TNPO3: variants seen among roughly 807,000 people sequenced by gnomAD.
The protein encoded by TNPO3 is transportin 3, also known as transportin-3.
In TNPO3, 65 loss-of-function variants were observed where a neutral mutation model predicts 122.8. That is an observed-to-expected ratio of 0.53 (90% confidence interval 0.43 to 0.65). The LOEUF is 0.65. Among genes scored for constraint, TNPO3 ranks in the 30% least tolerant of loss-of-function variants. The pLI, the probability that TNPO3 is intolerant of heterozygous loss-of-function variation, is 0.00. For synonymous variants in TNPO3, 372 were observed against 411.2 expected (o/e 0.90, Z 1.15); for missense variants, 850 against 1,136.7 (o/e 0.75, Z 3.63).
At chr7:128,958,191 T>C (rs1257607066) in intron 21 of TNPO3, among the ~76,000 whole-genome samples, 1 of 131,302 alleles carries the variant, frequency 7.6e-6, no homozygotes, top group Non-Finnish European at 1.6e-5. Flanking sequence ...TCATCCAGGC[T>C]GGAGTGCAAT....
chr7:128,991,960 T>C, intron 10 of TNPO3, 39 bp downstream of exon 10: 5 of 1,391,982 alleles, frequency 3.6e-6, no homozygotes, highest in Non-Finnish European at 5.0e-6. Context: ...TTCCTCTTGA[T>C]ATTTAGAGTT....
chr7:129,023,959 T>A (rs376075952), intron 1 of TNPO3, among the ~76,000 whole-genome samples: 21 of 152,176 alleles, frequency 1.4e-4, no homozygotes, highest in African/African-American at 4.8e-4. Flanking sequence ...TAACAGCTAG[T>A]TACATCACAC....
intron 1 of TNPO3, among the ~76,000 whole-genome samples, chr7:129,044,885 G>A (rs909753400): frequency 6.6e-6 from 1 of 152,138 alleles, no homozygotes; most frequent in Non-Finnish European, 1.5e-5. Context: ...ATTGAAAGCA[G>A]GTACTCCCAC....
intron 18 of TNPO3, among the ~76,000 whole-genome samples, chr7:128,973,101 A>C (rs1224972520): frequency 6.6e-6 from 1 of 152,204 alleles, no homozygotes; most frequent in Non-Finnish European, 1.5e-5. Flanking sequence ...AGACCAGTCA[A>C]AAGGACCTAC....
chr7:129,015,610 G>A (rs1452983719), intron 3 of TNPO3, among the ~76,000 whole-genome samples: 2 of 151,982 alleles, frequency 1.3e-5, no homozygotes, highest in Non-Finnish European at 2.9e-5. Context: ...CAAGGCAGGA[G>A]GATCACGAGT....
At position 128,984,254 on chromosome 7, in the gene TNPO3, C is replaced by T; in HGVS notation, c.1696G>A (p.Ala566Thr). 1 of 1,608,006 alleles carries T rather than the reference C, an allele frequency of 6.2e-7. No individual in the cohort carries two copies. The change falls in exon 13 of 23, where the codon GCA becomes ACA. Residue 566 changes from alanine to threonine, a missense_variant. Coordinates refer to ENST00000265388, the MANE Select transcript of TNPO3 (RefSeq NM_012470.4). The part of the protein sequence containing the change: ...EAAVGLLKGT[A>T]LVLARLPLDK... ...AAAGGTAATCGGGCTAGGACAAGTG[C>T]TGTCCCTGAAAAACAAAGGAAGATA...
intron 20 of TNPO3, among the ~76,000 whole-genome samples, chr7:128,969,626 A>G (rs1017644761): frequency 8.5e-5 from 13 of 152,230 alleles, no homozygotes; most frequent in Admixed American, 7.9e-4. Context: ...ATAGCTTTAA[A>G]AAAACAACTC....
At chr7:128,997,632 T>C in intron 7 of TNPO3, 97 bp from the exon 8 acceptor site, 3 of 1,065,014 alleles carry the variant, frequency 2.8e-6, no homozygotes, top group Non-Finnish European at 4.0e-6. Context: ...AAAGATATAT[T>C]TTTAAATAAT....
At chr7:128,956,850 A>G (rs1350800179) in intron 22 of TNPO3, among the ~76,000 whole-genome samples, 1 of 152,206 alleles carries the variant, frequency 6.6e-6, no homozygotes. Context: ...CACATATAAC[A>G]GTCAACTTGA....
chr7:129,027,731 C>A (rs978695865), intron 1 of TNPO3, among the ~76,000 whole-genome samples: 1 of 152,054 alleles, frequency 6.6e-6, no homozygotes, highest in Non-Finnish European at 1.5e-5. Flanking sequence ...CACTTTTCCC[C>A]TCATGGCATT....
rs775177709 is a variant in TNPO3 at position 128,966,141 on chromosome 7, T to G, written c.2711+1139A>C. ...TATTTTAAAAGCTCAAGTTAGGTTATGTAATACTGTTATTTTAACCTTTAC... is the reference window on the plus strand; with the variant it reads ...TATTTTAAAAGCTCAAGTTAGGTTAGGTAATACTGTTATTTTAACCTTTAC... On this transcript the variant is annotated intron_variant, in intron 21 of 22. Coordinates refer to ENST00000265388, the MANE Select transcript of TNPO3 (RefSeq NM_012470.4). Among the ~76,000 whole-genome samples, 221 of 152,352 alleles carry G rather than the reference T, an allele frequency of 1.5e-3. 1 individual carries two copies. The highest frequency in any genetic ancestry group is 1.0e-3 in the Non-Finnish European group (70 of 68,018).
chr7:128,957,497 G>T (rs1487090052), intron 21 of TNPO3, among the ~76,000 whole-genome samples, 182 bp from the exon 22 acceptor site: 1 of 152,156 alleles, frequency 6.6e-6, no homozygotes, highest in Non-Finnish European at 1.5e-5. Flanking sequence ...TATTATATAT[G>T]AGAAAAGTTA....
chr7:129,027,203 C>T (rs182439985), intron 1 of TNPO3, among the ~76,000 whole-genome samples: 4 of 152,206 alleles, frequency 2.6e-5, no homozygotes, highest in African/African-American at 4.8e-5. Flanking sequence ...TGACATTTAT[C>T]GGGTGTTTCA....
At chr7:128,955,575 C>T (rs1038047282) in intron 22 of TNPO3, among the ~76,000 whole-genome samples, 190 bp from the exon 23 acceptor site, 10 of 152,142 alleles carry the variant, frequency 6.6e-5, no homozygotes, top group African/African-American at 2.4e-4. Flanking sequence ...GGAGCTACTG[C>T]TTTAATGAGA....
At chr7:129,055,772 CAAAAG>C (rs1404581948), upstream of TNPO3, 1 of 386,244 alleles carries the variant, frequency 2.6e-6, no homozygotes, top group Non-Finnish European at 4.7e-6. Context: ...TAACAATTCA[CAAAAG>C]AAAACAGAAA....
intron 4 of TNPO3, among the ~76,000 whole-genome samples, chr7:129,006,023 T>C (rs1324787291): frequency 3.3e-5 from 5 of 152,118 alleles, no homozygotes; most frequent in Non-Finnish European, 7.4e-5. Flanking sequence ...CCTCAGGCAA[T>C]CCGCCCACCT....
intron 6 of TNPO3, 29 bp from the exon 7 acceptor site, chr7:129,000,596 G>T (rs1318316495): frequency 6.9e-6 from 11 of 1,602,116 alleles, no homozygotes; most frequent in Non-Finnish European, 9.4e-6. Context: ...TGAGAACAAT[G>T]AGTCAGAAAT....
chr7:128,997,511 A>G lies in TNPO3; in HGVS notation c.1036T>C (p.Trp346Arg), dbSNP rs752440386. 2 of 1,613,942 alleles carry G rather than the reference A, an allele frequency of 1.2e-6. No individual in the cohort carries two copies. The highest frequency in any genetic ancestry group is 3.3e-5 in the Admixed American group (2 of 60,016). The change falls in exon 8 of 23, where the codon TGG becomes CGG. Residue 346 changes from tryptophan to arginine, a missense_variant. Trp to Arg is a moderately radical substitution (Grantham distance 101). Transcript: ENST00000265388. The stretch of plus-strand genomic sequence containing the variant: ...TACAAATGTTCCCCCAGTCGGTACC[A>G]AAAGTTAAATGAAATTTCTACTACC... ...YEVVEISFNFWYRLGEHLYKT... is the reference protein window; with the variant it reads ...YEVVEISFNFRYRLGEHLYKT...
intron 1 of TNPO3, among the ~76,000 whole-genome samples, chr7:129,045,575 C>G (rs556437302): frequency 6.6e-6 from 1 of 150,616 alleles, no homozygotes; most frequent in Non-Finnish European, 1.5e-5. Context: ...ATAAAACCTA[C>G]TTTCCATTTC....
Sources: gnomAD v4.1 joint callset for allele counts (sites outside exome capture counted in the v4.1 genomes callset) on GRCh38, gnomAD v4.1.1 for gene constraint, MANE v1.5 for transcripts, NCBI Gene and HGNC (gene_info 2026-07-23, HGNC 2026-07-21) for gene names.